PPP2R5A: variants seen among roughly 807,000 people sequenced by gnomAD.
PPP2R5A encodes the protein serine/threonine-protein phosphatase 2A 56 kDa regulatory subunit alpha isoform.
Under a neutral mutation model 64.2 loss-of-function variants are expected in PPP2R5A, and 25 were observed. The observed-to-expected ratio is 0.39, with a 90% CI of 0.28 to 0.54. PPP2R5A has a LOEUF of 0.54. PPP2R5A is among the 20% of genes least tolerant of loss of function. PPP2R5A has a pLI of 0.67. For missense variants in PPP2R5A, 425 were observed against 576.3 expected, an observed-to-expected ratio of 0.74 and a Z score of 2.69; for synonymous variants, 198 against 201.2, an observed-to-expected ratio of 0.98 and a Z score of 0.13.
chr1:212,324,164 TTTGTCA>T (rs1320207137), intron 1 of PPP2R5A, among the ~76,000 whole-genome samples: 2 of 152,176 alleles, frequency 1.3e-5, no homozygotes, highest in Non-Finnish European at 2.9e-5. Context: ...ATTAGACAAA[TTTGTCA>T]TTGTGCGAAC....
intron 1 of PPP2R5A, among the ~76,000 whole-genome samples, chr1:212,304,575 G>A (rs1273718062): frequency 6.6e-6 from 1 of 151,988 alleles, no homozygotes; most frequent in African/African-American, 2.4e-5. Flanking sequence ...AAGAGATGGG[G>A]TCTCGCTATG....
chr1:212,342,979 G>A (rs539909548), intron 4 of PPP2R5A, among the ~76,000 whole-genome samples: 1 of 150,182 alleles, frequency 6.7e-6, no homozygotes, highest in African/African-American at 2.4e-5. Context: ...AGGGAGTCTT[G>A]TTCTGCTGCC....
intron 11 of PPP2R5A, chr1:212,357,975 A>T (rs929946774): frequency 6.6e-6 from 1 of 151,804 alleles, no homozygotes; most frequent in Non-Finnish European, 1.5e-5. Flanking sequence ...TTTTATTTTT[A>T]TTTTTTTTGG....
intron 1 of PPP2R5A, among the ~76,000 whole-genome samples, chr1:212,317,151 C>T (rs549587308): frequency 3.9e-5 from 6 of 152,252 alleles, no homozygotes; most frequent in Middle Eastern, 3.4e-3. Context: ...ACTTCTCTAC[C>T]TACTTTGAGT....
At chr1:212,349,468 T>C (rs1031732371) in intron 8 of PPP2R5A, among the ~76,000 whole-genome samples, 12 of 152,130 alleles carry the variant, frequency 7.9e-5, no homozygotes, top group East Asian at 1.9e-4. Context: ...TATTAATATG[T>C]AGTAGTTAAG....
chr1:212,348,316 C>T, intron 6 of PPP2R5A, 73 bp from the exon 7 acceptor site: 1 of 914,964 alleles, frequency 1.1e-6, no homozygotes, highest in Non-Finnish European at 1.8e-6. Context: ...TCCTTATGTA[C>T]TCATGGATAT....
At chr1:212,344,918 C>T (rs535141399) in intron 4 of PPP2R5A, among the ~76,000 whole-genome samples, 1 of 152,208 alleles carries the variant, frequency 6.6e-6, no homozygotes, top group East Asian at 1.9e-4. Context: ...AATCCTGGCA[C>T]TTTGGGACAC....
intron 8 of PPP2R5A, among the ~76,000 whole-genome samples, chr1:212,351,795 G>C (rs1659884306): frequency 6.6e-6 from 1 of 151,980 alleles, no homozygotes; most frequent in Admixed American, 6.6e-5. Context: ...TCCATGTAAA[G>C]AGGAAAAAAA....
In PPP2R5A at chr1:212,333,576, AGGCCTCTT is replaced by A; in HGVS notation, c.465_472del (p.Trp156HisfsTer6). On this transcript the variant is annotated frameshift_variant, in exon 3 of 13. Coordinates refer to ENST00000261461, the MANE Select transcript of PPP2R5A (RefSeq NM_006243.4). LOFTEE classifies it high-confidence loss of function. ...CCAGAAGAGGATGAACCCACGCTTG[AGGCCTCTT>A]GGCCTCACATACAGGTATGGAACAT... 6.3e-7 allele frequency: 1 copy of A among 1,578,862 alleles called. No individual in the cohort carries two copies. The highest frequency in any genetic ancestry group is 8.7e-7 in the Non-Finnish European group (1 of 1,155,144).
chr1:212,350,003 T>C (rs1434609491), intron 8 of PPP2R5A, among the ~76,000 whole-genome samples: 1 of 152,218 alleles, frequency 6.6e-6, no homozygotes, highest in African/African-American at 2.4e-5. Context: ...ACAAAAGTGA[T>C]TGCGGCTTTT....
In PPP2R5A at chr1:212,342,239, A is replaced by C; in HGVS notation, c.532A>C (p.Ser178Arg). ...TTTGGAGAGCCCTGATTTCCAGCCTAGCATTGCAAAACGATACATTGATCA... is the reference window on the plus strand; with the variant it reads ...TTTGGAGAGCCCTGATTTCCAGCCTCGCATTGCAAAACGATACATTGATCA... ...RFLESPDFQP[S>R]IAKRYIDQKF... is the part of the protein sequence containing the mutation. Residue 178 changes from serine (S) to arginine (R), a missense_variant, in exon 4 of 13, where the codon AGC becomes CGC. By Grantham distance (110) the Ser-to-Arg change is moderately radical. Coordinates refer to ENST00000261461, the MANE Select transcript of PPP2R5A (RefSeq NM_006243.4). The C allele has an allele frequency of 6.2e-7, 1 of 1,613,702 alleles. No individual in the cohort carries two copies. Among genetic ancestry groups the C allele is most frequent in the Non-Finnish European group, 8.5e-7 (1 of 1,179,796 alleles).
intron 1 of PPP2R5A, among the ~76,000 whole-genome samples, chr1:212,297,096 CTTTTTTTTTTTTT>C (rs869112186): frequency 4.8e-5 from 4 of 82,646 alleles, no homozygotes; most frequent in Non-Finnish European, 9.9e-5. Flanking sequence ...TTTGCTTCTT[CTTTTTTTTTTTTT>C]TTTTTTTTTT....
chr1:212,324,075 A>G (rs543904468), intron 1 of PPP2R5A, among the ~76,000 whole-genome samples: 156 of 152,236 alleles, frequency 1.0e-3, no homozygotes, highest in African/African-American at 3.7e-3. Context: ...CCATCTCAAA[A>G]AAAAAAAAAA....
chr1:212,339,111 A>G (rs1019942297), intron 3 of PPP2R5A, among the ~76,000 whole-genome samples: 6 of 152,214 alleles, frequency 3.9e-5, no homozygotes, highest in Non-Finnish European at 7.3e-5. Context: ...TCCATTTTGA[A>G]GATTTCCAGC....
chr1:212,357,361 T>C lies in PPP2R5A; in HGVS notation c.1226+77T>C, dbSNP rs574323684. 60 of 1,301,538 alleles carry C rather than the reference T, an allele frequency of 4.6e-5. No homozygotes were observed. In the African/African-American group the frequency reaches 8.5e-4, roughly 19 times the overall value. The allele number at this position is 1,301,538 out of a possible 1,614,324, so 80.6% of individuals were successfully genotyped here. A position where few individuals can be genotyped will look rare whatever the true frequency, so the allele number is the denominator to read the frequency against. ...TTTTTGTTATTGATTTCCTAACTCA[T>C]ACTTGAAACCTATTACAGATTTGGA... On this transcript the variant is annotated intron_variant, in intron 11 of 12. Transcript: ENST00000261461.
intron 4 of PPP2R5A, 40 bp from the exon 5 acceptor site, chr1:212,345,763 G>T: frequency 1.3e-6 from 2 of 1,563,374 alleles, no homozygotes; most frequent in South Asian, 2.4e-5. Context: ...GCTTTAGCTC[G>T]ATTATTTTTT....
chr1:212,322,753 C>T (rs559604334), intron 1 of PPP2R5A, among the ~76,000 whole-genome samples: 1 of 110,676 alleles, frequency 9.0e-6, no homozygotes, highest in African/African-American at 3.4e-5. Context: ...AATTAATTCT[C>T]ATTTTATTTA....
At chr1:212,322,265 G>GAGGGA (rs1558147153) in intron 1 of PPP2R5A, among the ~76,000 whole-genome samples, 1 of 85,280 alleles carries the variant, frequency 1.2e-5, no homozygotes. Context: ...GAGAGGGAGA[G>GAGGGA]GAGGGAGAGG....
chr1:212,290,330 T>G (rs1429590564), intron 1 of PPP2R5A, among the ~76,000 whole-genome samples: 2 of 152,238 alleles, frequency 1.3e-5, no homozygotes. Flanking sequence ...ACCGTACTAC[T>G]CACTCAACTT....
Sources: allele counts gnomAD v4.1 joint callset (sites outside exome capture counted in the v4.1 genomes callset), GRCh38; gene constraint gnomAD v4.1.1; transcripts MANE v1.5; gene names NCBI Gene and HGNC (gene_info 2026-07-23, HGNC 2026-07-21).